AFG1L: variants seen among roughly 807,000 people sequenced by gnomAD.
The protein encoded by AFG1L is AFG1-like ATPase.
A neutral mutation model predicts 62.2 loss-of-function variants in AFG1L; 53 were observed. That is an observed-to-expected ratio of 0.85 (90% CI 0.68 to 1.07). The LOEUF (loss-of-function observed/expected upper bound fraction) is 1.07, where lower values mean the gene tolerates loss of function less well. Ranked by LOEUF, AFG1L falls within the 50% of genes least tolerant of loss-of-function variation. The probability of loss-of-function intolerance (pLI) is 0.00; values close to 1 mark genes in which losing one functional copy is unlikely to be tolerated. For missense variants in AFG1L, 555 were observed against 590.5 expected, an observed-to-expected ratio of 0.94 and a Z score of 0.62; for synonymous variants, 228 against 210.3, an observed-to-expected ratio of 1.08 and a Z score of -0.73.
At chr6:108,328,120 A>T (rs559427771) in intron 2 of AFG1L, among the ~76,000 whole-genome samples, 1 of 152,352 alleles carries the variant, frequency 6.6e-6, no homozygotes, top group South Asian at 2.1e-4. Context: ...TGAAAAATAT[A>T]GACTGCTTAT....
intron 5 of AFG1L, among the ~76,000 whole-genome samples, chr6:108,358,098 C>T (rs569192917): frequency 5.3e-5 from 8 of 152,258 alleles, no homozygotes; most frequent in African/African-American, 1.9e-4. Flanking sequence ...GCATACTAAC[C>T]ACATCAATGT....
At chr6:108,323,180 A>G (rs1777881486) in intron 1 of AFG1L, among the ~76,000 whole-genome samples, 1 of 152,176 alleles carries the variant, frequency 6.6e-6, no homozygotes, top group South Asian at 2.1e-4. Flanking sequence ...GTTTACTCAA[A>G]GAAAGGCAAC....
At chr6:108,337,320 T>C (rs1437274371) in intron 2 of AFG1L, among the ~76,000 whole-genome samples, 1 of 152,244 alleles carries the variant, frequency 6.6e-6, no homozygotes, top group Non-Finnish European at 1.5e-5. Flanking sequence ...ATTTGAGAAC[T>C]TCAATTCTTT....
chr6:108,333,934 T>C (rs1033522857), intron 2 of AFG1L, among the ~76,000 whole-genome samples: 1 of 152,236 alleles, frequency 6.6e-6, no homozygotes, highest in African/African-American at 2.4e-5. Context: ...ATTTTGCCTG[T>C]TTGTAATATT....
intron 7 of AFG1L, among the ~76,000 whole-genome samples, chr6:108,440,341 G>A (rs1367925362): frequency 6.6e-6 from 1 of 151,646 alleles, no homozygotes; most frequent in Non-Finnish European, 1.5e-5. Context: ...GCTACTTTTT[G>A]TATTTTTAGT....
At chr6:108,409,373 A>G (rs1562141622) in intron 7 of AFG1L, among the ~76,000 whole-genome samples, 1 of 152,220 alleles carries the variant, frequency 6.6e-6, no homozygotes, top group Admixed American at 6.5e-5. Flanking sequence ...AGCAAAAAGC[A>G]AAATGGATTG....
At chr6:108,514,594 G>A (rs192528619) in intron 11 of AFG1L, among the ~76,000 whole-genome samples, 4 of 152,270 alleles carry the variant, frequency 2.6e-5, no homozygotes, top group Admixed American at 1.3e-4. Context: ...ATCCACTAAC[G>A]AGCAAAATAA....
intron 3 of AFG1L, among the ~76,000 whole-genome samples, chr6:108,352,372 T>C (rs1216584800): frequency 6.6e-6 from 1 of 152,166 alleles, no homozygotes; most frequent in Non-Finnish European, 1.5e-5. Flanking sequence ...TCATGGGGGA[T>C]TGGTTTCAGG....
intron 7 of AFG1L, among the ~76,000 whole-genome samples, chr6:108,442,284 C>T (rs1771587317): frequency 6.6e-6 from 1 of 151,756 alleles, no homozygotes; most frequent in Non-Finnish European, 1.5e-5. Flanking sequence ...AAGAAAAACA[C>T]AGAACATCTT....
chr6:108,410,424 C>CT (rs1469056623), intron 7 of AFG1L, among the ~76,000 whole-genome samples: 1 of 152,066 alleles, frequency 6.6e-6, no homozygotes, highest in African/African-American at 2.4e-5. Context: ...TCAAGCTGGT[C>CT]TGAGGCTTGT....
At position 108,440,879 on chromosome 6, in the gene AFG1L, C is replaced by A. The variant is rs1283995742; in HGVS notation, c.808-6335C>A. ...CATTTTTTCTTTTTTGTTGTTTACTCATTAAAAATTTATAAAATAAATTAG... is the reference window on the plus strand; with the variant it reads ...CATTTTTTCTTTTTTGTTGTTTACTAATTAAAAATTTATAAAATAAATTAG... On this transcript the variant is annotated intron_variant, in intron 7 of 12. Coordinates refer to ENST00000368977, the MANE Select transcript of AFG1L (RefSeq NM_145315.5). Among the ~76,000 whole-genome samples, 8 of 151,908 alleles carry A rather than the reference C, an allele frequency of 5.3e-5. No homozygotes were observed. The South Asian group carries it at 1.7e-3, about 32-fold the overall frequency.
chr6:108,349,094 C>T (rs1281553726), intron 3 of AFG1L, among the ~76,000 whole-genome samples: 1 of 152,042 alleles, frequency 6.6e-6, no homozygotes, highest in African/African-American at 2.4e-5. Context: ...TGGAAACATC[C>T]TTATAATATA....
chr6:108,430,148 A>T (rs771902712), intron 7 of AFG1L, among the ~76,000 whole-genome samples: 14 of 152,080 alleles, frequency 9.2e-5, no homozygotes, highest in Non-Finnish European at 1.9e-4. Flanking sequence ...GGATTTCACC[A>T]TGTTGGCCAG....
At chr6:108,389,417 A>T (rs1024970104) in intron 6 of AFG1L, among the ~76,000 whole-genome samples, 1 of 152,202 alleles carries the variant, frequency 6.6e-6, no homozygotes, top group African/African-American at 2.4e-5. Flanking sequence ...TGATCCCGTC[A>T]TTATGATGTT....
intron 8 of AFG1L, among the ~76,000 whole-genome samples, chr6:108,459,067 A>G (rs1025816454): frequency 6.6e-6 from 1 of 152,154 alleles, no homozygotes; most frequent in Non-Finnish European, 1.5e-5. Flanking sequence ...TAGAGGGAAC[A>G]TGAACTATTC....
At chr6:108,471,701 C>T (rs953231131) in intron 8 of AFG1L, among the ~76,000 whole-genome samples, 4 of 151,876 alleles carry the variant, frequency 2.6e-5, no homozygotes, top group Middle Eastern at 3.2e-3. Flanking sequence ...CCTCTTGATC[C>T]GCCCGCCTCG....
chr6:108,415,974 G>A (rs1196262773), intron 7 of AFG1L, among the ~76,000 whole-genome samples: 1 of 152,186 alleles, frequency 6.6e-6, no homozygotes, highest in African/African-American at 2.4e-5. Context: ...TACCATCAGA[G>A]TGAACAGGCA....
At chr6:108,412,534 A>G (rs1782164719) in intron 7 of AFG1L, among the ~76,000 whole-genome samples, 1 of 152,268 alleles carries the variant, frequency 6.6e-6, no homozygotes, top group Non-Finnish European at 1.5e-5. Flanking sequence ...GGTTACCCAC[A>G]AAGGGAAGCC....
At chr6:108,330,010 T>C (rs968694668) in intron 2 of AFG1L, among the ~76,000 whole-genome samples, 79 of 151,984 alleles carry the variant, frequency 5.2e-4, no homozygotes, top group African/African-American at 1.6e-3. Flanking sequence ...GGTGGCTTTA[T>C]AAGGGGAAGA....
Sources: gnomAD v4.1 joint callset for allele counts (sites outside exome capture counted in the v4.1 genomes callset) on GRCh38, gnomAD v4.1.1 for gene constraint, MANE v1.5 for transcripts, NCBI Gene and HGNC (gene_info 2026-07-23, HGNC 2026-07-21) for gene names.